GIT2: variants seen among roughly 807,000 people sequenced by gnomAD.
The protein encoded by GIT2 is ARF GTPase-activating protein GIT2.
Under a neutral mutation model 100.3 loss-of-function variants are expected in GIT2, and 32 were observed. That is an observed-to-expected ratio of 0.32 (90% CI 0.24 to 0.43). The LOEUF (loss-of-function observed/expected upper bound fraction) is 0.43, where lower values mean the gene tolerates loss of function less well. Ranked by LOEUF, GIT2 falls within the 20% of genes least tolerant of loss-of-function variation. GIT2 has a pLI of 1.00. For synonymous variants in GIT2, 353 were observed against 364.1 expected (o/e 0.97, Z 0.35); for missense variants, 737 against 975.1 (o/e 0.76, Z 3.25).
chr12:109,981,103 TG>T, intron 6 of GIT2, 57 bp from the exon 7 acceptor site: 1 of 1,162,928 alleles, frequency 8.6e-7, no homozygotes, highest in Non-Finnish European at 1.3e-6. Context: ...GACTTTAAAA[TG>T]GAGTACAAAG....
chr12:109,972,578 TCC>T (rs1223828194), intron 7 of GIT2, among the ~76,000 whole-genome samples: 1 of 152,002 alleles, frequency 6.6e-6, no homozygotes, highest in African/African-American at 2.4e-5. Flanking sequence ...TAAGTGATTC[TCC>T]TGCCTCAGCC....
At chr12:109,967,165 T>C (rs1284130500) in intron 8 of GIT2, 7 of 584,822 alleles carry the variant, frequency 1.2e-5, no homozygotes, top group Non-Finnish European at 1.8e-5. Context: ...TAATCTCCTA[T>C]AATACAGAAG....
chr12:109,969,162 C>CTT (rs71079595), intron 7 of GIT2, among the ~76,000 whole-genome samples: 1,894 of 89,028 alleles, frequency 0.021, 45 homozygotes, highest in African/African-American at 0.06. Flanking sequence ...AAAACTTTTC[C>CTT]TTTTTTTTTT....
chr12:109,956,329 G>A (rs1000458172), intron 12 of GIT2, among the ~76,000 whole-genome samples: 5 of 152,110 alleles, frequency 3.3e-5, no homozygotes, highest in Admixed American at 1.3e-4. Context: ...GATCCTGGGC[G>A]GTAGGGGGCC....
chr12:109,929,919 AAT>A lies in GIT2; in HGVS notation c.*3057_*3058del, dbSNP rs1464074110. ...GAATGTACAATAAAAAGTACAGAATAATGAGTGACAGGGATCAAACACGTTGG... is the reference window on the plus strand; with the variant it reads ...GAATGTACAATAAAAAGTACAGAATAGAGTGACAGGGATCAAACACGTTGG... On this transcript the variant is annotated 3_prime_UTR_variant, in exon 20 of 20. Coordinates refer to ENST00000355312, the MANE Select transcript of GIT2 (RefSeq NM_057169.5). The A allele has an allele frequency of 6.6e-6, 1 of 152,648 alleles. No individual in the cohort carries two copies. The highest frequency in any genetic ancestry group is 2.4e-5 in the African/African-American group (1 of 41,466). 9.5% of individuals were successfully genotyped at this position (152,648 alleles called of 1,614,324 possible). A position where few individuals can be genotyped will look rare whatever the true frequency, so the allele number is the denominator to read the frequency against.
Position 109,980,936 on chromosome 12 carries a change from T to C in GIT2, c.718+16A>G, listed in dbSNP as rs763173220. 1.3e-6 allele frequency: 2 copies of C among 1,491,446 alleles called. No homozygotes were observed. Among genetic ancestry groups the C allele is most frequent in the Non-Finnish European group, 1.9e-6 (2 of 1,067,592 alleles). The allele number at this position is 1,491,446 out of a possible 1,614,324, so 92.4% of individuals were successfully genotyped here. On this transcript the variant is annotated intron_variant, in intron 7 of 19. Transcript: ENST00000355312. ...CCCAACTGGAGATGTGAAACGGTCA[T>C]TCTCCATCCACTCACCTGGTTTCCT...
At chr12:109,993,938 A>G (rs1458196963) in intron 1 of GIT2, among the ~76,000 whole-genome samples, 1 of 152,128 alleles carries the variant, frequency 6.6e-6, no homozygotes, top group Non-Finnish European at 1.5e-5. Context: ...CAGAATCAAA[A>G]TAATTCAATT....
Position 109,933,085 on chromosome 12 carries a change from G to A in GIT2, c.2173C>T (p.Pro725Ser). 1 of 1,613,262 alleles carries A rather than the reference G, an allele frequency of 6.2e-7. No individual in the cohort carries two copies. The highest frequency in any genetic ancestry group is 8.5e-7 in the Non-Finnish European group (1 of 1,179,184). The change falls in exon 20 of 20, where the codon CCC becomes TCC. Residue 725 changes from proline to serine, a missense_variant. Pro to Ser is a moderately conservative substitution (Grantham distance 74). Around this residue, in one of 3 missense-constraint regions of GIT2, gnomAD observed 451 missense variants for 543.7 expected, o/e 0.83. Coordinates refer to ENST00000355312, the MANE Select transcript of GIT2 (RefSeq NM_057169.5). This position sits in a 1 kb window ranked among gnomAD's most constrained non-coding sequence, Gnocchi z 4.5. ...TGCGTGACCAGCTGAACGTCTGTGG[G>A]TGAGCCGGGGTCCCCTGGGAGGGTC... ...KKTLPGDPGS[P>S]TDVQLVTQQV...
chr12:109,993,482 G>A (rs1217536287), intron 1 of GIT2, among the ~76,000 whole-genome samples: 1 of 152,166 alleles, frequency 6.6e-6, no homozygotes, highest in Non-Finnish European at 1.5e-5. Flanking sequence ...GTTGGCTCTA[G>A]AGACAAGGAG....
upstream of GIT2, chr12:109,998,343 T>C (rs916844711): frequency 1.3e-5 from 2 of 152,226 alleles, no homozygotes; most frequent in African/African-American, 4.8e-5. Context: ...ATGGATTAGG[T>C]TGGGATTCTT....
At chr12:109,985,490 C>T (rs1887198630) in intron 4 of GIT2, among the ~76,000 whole-genome samples, 1 of 152,146 alleles carries the variant, frequency 6.6e-6, no homozygotes, top group African/African-American at 2.4e-5. Context: ...CCAAGGCAGG[C>T]AGACTGCTTA....
Position 109,989,057 on chromosome 12 carries a change from G to A in GIT2, c.311C>T (p.Ala104Val), listed in dbSNP as rs112218265. The change falls in exon 4 of 20, where the codon GCG becomes GTG. Residue 104 changes from alanine (A) to valine (V), a missense_variant. By Grantham distance (64) the Ala-to-Val change is moderately conservative. This residue lies in a region of GIT2 where 266 missense variants were observed against 376.2 expected (regional missense o/e 0.71). Coordinates refer to ENST00000355312, the MANE Select transcript of GIT2 (RefSeq NM_057169.5). ...NPQDKVHPNKAEFIRAKYQML... is the reference protein window; with the variant it reads ...NPQDKVHPNKVEFIRAKYQML... The stretch of plus-strand genomic sequence containing the variant: ...CTGATACTTGGCTCTGATGAATTCC[G>A]CTTTATTGGGACTGGTTCAAAAACA... 4 of 1,604,080 alleles carry A rather than the reference G, an allele frequency of 2.5e-6. No homozygotes were observed. Among genetic ancestry groups the A allele is most frequent in the African/African-American group, 2.7e-5 (2 of 74,670 alleles).
intron 1 of GIT2, among the ~76,000 whole-genome samples, chr12:109,994,646 G>A (rs1208094166): frequency 6.6e-6 from 1 of 152,182 alleles, no homozygotes; most frequent in Non-Finnish European, 1.5e-5. Context: ...GTTCTGAAAT[G>A]CACAAAATGC....
Position 109,934,863 on chromosome 12 carries a change from G to A in GIT2, c.2004-778C>T, listed in dbSNP as rs1335874983. ...GGCCAAAGCGGGCGGATCACCTGAGGTCAGGAGTTTGAGACCAGCCTGAAC... is the reference window on the plus strand; with the variant it reads ...GGCCAAAGCGGGCGGATCACCTGAGATCAGGAGTTTGAGACCAGCCTGAAC... On this transcript the variant is annotated intron_variant, in intron 18 of 19. Transcript: ENST00000355312. The surrounding 1 kb of genome is among the most constrained non-coding windows in gnomAD (Gnocchi z 4.5). 7.9e-5 allele frequency among the ~76,000 whole-genome samples: 12 copies of A among 152,308 alleles called. No homozygotes were observed. The East Asian group carries it at 1.9e-3, about 24-fold the overall frequency.
In GIT2 at chr12:109,980,972, T is replaced by C. The variant is rs774964282; in HGVS notation, c.698A>G (p.Tyr233Cys). 7.5e-6 allele frequency: 12 copies of C among 1,608,970 alleles called. No homozygotes were observed. Among genetic ancestry groups the C allele is most frequent in the South Asian group, 1.1e-5 (1 of 90,982 alleles). ...CTCACCTGGTTTCCTGCCACAGAGA[T>C]AGAAGGCTAGTCTGTCCGTTAGCTC... ...QYELTDRLAF[Y>C]LCGRKPDHKN... Residue 233 changes from tyrosine to cysteine, a missense_variant, in exon 7 of 20, where the codon TAT becomes TGT. Tyr to Cys is a radical substitution (Grantham distance 194). Coordinates refer to ENST00000355312, the MANE Select transcript of GIT2 (RefSeq NM_057169.5).
At chr12:109,972,886 G>A (rs541227110) in intron 7 of GIT2, among the ~76,000 whole-genome samples, 23 of 151,982 alleles carry the variant, frequency 1.5e-4, no homozygotes, top group Admixed American at 8.5e-4. Flanking sequence ...ACAGTGGTGC[G>A]AACACAGCTC....
chr12:109,959,418 T>C (rs1246064507), intron 12 of GIT2, among the ~76,000 whole-genome samples: 2 of 152,146 alleles, frequency 1.3e-5, no homozygotes, highest in Non-Finnish European at 2.9e-5. Flanking sequence ...GCCAGAGTTT[T>C]GGGTTAATTT....
chr12:109,967,540 A>C (rs1271564556), intron 7 of GIT2, 37 bp from the exon 8 acceptor site: 1 of 1,413,880 alleles, frequency 7.1e-7, no homozygotes, highest in East Asian at 2.3e-5. Flanking sequence ...TGTTCATAGA[A>C]ATGTTGATAA....
Position 109,989,778 on chromosome 12 carries a change from C to A in GIT2, c.211G>T (p.Gly71Cys). The A allele has an allele frequency of 6.3e-7, 1 of 1,598,124 alleles. No homozygotes were observed. The change falls in exon 3 of 20, where the codon GGT becomes TGT. Residue 71 changes from glycine (G) to cysteine (C), a missense_variant. Physicochemically the swap from Gly to Cys is radical, Grantham distance 159. Coordinates refer to ENST00000355312, the MANE Select transcript of GIT2 (RefSeq NM_057169.5). Reference protein sequence around the residue: ...LQMVETLYNNGANSIWEHSLL... With the variant: ...LQMVETLYNNCANSIWEHSLL... ...GAATGCTCCCATATAGAGTTAGCAC[C>A]GTTATTATACAAGGTCTCAACCATC...
Sources: gnomAD v4.1 joint callset for allele counts (sites outside exome capture counted in the v4.1 genomes callset) on GRCh38, gnomAD v4.1.1 for gene constraint, gnomAD v4.1.1 regional missense constraint, Gnocchi (gnomAD v3.1) non-coding constraint, MANE v1.5 for transcripts, NCBI Gene and HGNC (gene_info 2026-07-23, HGNC 2026-07-21) for gene names.